Variants in TENM2 observed in about 807,000 individuals in gnomAD.
TENM2 encodes the protein teneurin-2.
Under a neutral mutation model 245.2 loss-of-function variants are expected in TENM2, and 52 were observed. That is an observed-to-expected ratio of 0.21 (90% CI 0.17 to 0.27). TENM2 has a LOEUF of 0.27. Ranked by LOEUF, TENM2 falls within the 10% of genes least tolerant of loss-of-function variation. The pLI is 1.00. For missense variants in TENM2, 3,046 were observed against 3,666.8 expected, an observed-to-expected ratio of 0.83 and a Z score of 4.37; for synonymous variants, 1,363 against 1,438.9, an observed-to-expected ratio of 0.95 and a Z score of 1.19.
At chr5:168,253,457 A>T (rs1184875652) in intron 27 of TENM2, among the ~76,000 whole-genome samples, 5 of 127,178 alleles carry the variant, frequency 3.9e-5, no homozygotes, top group Non-Finnish European at 6.7e-5. Flanking sequence ...ACAGAGTCTC[A>T]CTCTGTCGCC....
chr5:167,354,166 G>GA (rs1759160955), intron 1 of TENM2, among the ~76,000 whole-genome samples: 1 of 152,226 alleles, frequency 6.6e-6, no homozygotes, highest in African/African-American at 2.4e-5. Flanking sequence ...TGCCAAGGCA[G>GA]ATCTGGCGTG....
chr5:167,062,464 G>T, the TENM2 span, among the ~76,000 whole-genome samples: 4 of 148,344 alleles, frequency 2.7e-5, no homozygotes, highest in East Asian at 7.9e-4. Context: ...GATTTTAAAT[G>T]AAAAATTCAC....
intron 7 of TENM2, among the ~76,000 whole-genome samples, chr5:168,068,897 G>A (rs1392811257): frequency 1.3e-5 from 2 of 151,858 alleles, no homozygotes; most frequent in Non-Finnish European, 2.9e-5. Context: ...ACAATGTTGA[G>A]TCTATTTTCA....
chr5:167,169,322 A>T, the TENM2 span, among the ~76,000 whole-genome samples: 1 of 152,196 alleles, frequency 6.6e-6, no homozygotes, highest in African/African-American at 2.4e-5. Flanking sequence ...TTGTGGAAAG[A>T]AAAACATGCA....
intron 2 of TENM2, among the ~76,000 whole-genome samples, chr5:167,678,387 A>G (rs1240171344): frequency 6.6e-6 from 1 of 152,090 alleles, no homozygotes; most frequent in Non-Finnish European, 1.5e-5. Flanking sequence ...TACTCAATGC[A>G]GGGCGTTTTT....
chr5:167,498,563 A>T (rs755911923), intron 2 of TENM2, among the ~76,000 whole-genome samples: 8 of 152,104 alleles, frequency 5.3e-5, no homozygotes, highest in Non-Finnish European at 1.0e-4. Flanking sequence ...TGTTCTGCAC[A>T]GGTGTACATT....
the TENM2 span, chr5:167,168,095 A>T: frequency 6.6e-6 from 1 of 152,234 alleles, no homozygotes; most frequent in Non-Finnish European, 1.5e-5. Context: ...AAGCATAAAC[A>T]TGCTGACAGT....
intron 27 of TENM2, among the ~76,000 whole-genome samples, chr5:168,252,135 T>C (rs970215575): frequency 6.6e-6 from 1 of 152,136 alleles, no homozygotes; most frequent in Non-Finnish European, 1.5e-5. Flanking sequence ...ACCAGCACTT[T>C]GGGAGGCCAA....
chr5:167,997,912 A>G (rs972128272), intron 5 of TENM2, among the ~76,000 whole-genome samples: 2 of 152,190 alleles, frequency 1.3e-5, no homozygotes, highest in Non-Finnish European at 2.9e-5. Flanking sequence ...TAAGAGTCCA[A>G]CCATATGTCC....
At chr5:167,167,278 A>G in the TENM2 span, among the ~76,000 whole-genome samples, 1 of 152,210 alleles carries the variant, frequency 6.6e-6, no homozygotes, top group Non-Finnish European at 1.5e-5. Flanking sequence ...TTATCTTTGT[A>G]ATGATAACTC....
the TENM2 span, among the ~76,000 whole-genome samples, chr5:167,197,015 G>A: frequency 6.6e-6 from 1 of 151,878 alleles, no homozygotes; most frequent in Middle Eastern, 3.2e-3. Context: ...GAAGTCAATC[G>A]ATTCTGGGAT....
the TENM2 span, among the ~76,000 whole-genome samples, chr5:167,127,699 G>A: frequency 7.3e-5 from 11 of 149,854 alleles, no homozygotes; most frequent in Non-Finnish European, 1.5e-4. Flanking sequence ...TCTGGTCTCA[G>A]AGCTGCTTAC....
intron 12 of TENM2, among the ~76,000 whole-genome samples, chr5:168,133,195 G>A (rs567245844): frequency 6.6e-6 from 1 of 152,238 alleles, no homozygotes; most frequent in African/African-American, 2.4e-5. Flanking sequence ...TAGTCATGTA[G>A]GGCTTTTTAA....
chr5:168,180,716 T>G (rs1759793928), intron 13 of TENM2, among the ~76,000 whole-genome samples: 1 of 152,094 alleles, frequency 6.6e-6, no homozygotes, highest in African/African-American at 2.4e-5. Flanking sequence ...GCCAACATGG[T>G]GAAACCCTGT....
In TENM2 at chr5:167,625,854, G is replaced by A. The variant is rs1778465941; in HGVS notation, c.503-250132G>A. 3.3e-5 allele frequency among the ~76,000 whole-genome samples: 5 copies of A among 152,168 alleles called. No homozygotes were observed. The South Asian group carries it at 1.0e-3, about 32-fold the overall frequency. On this transcript the variant is annotated intron_variant, in intron 2 of 28. Coordinates refer to ENST00000518659, the Ensembl canonical transcript of TENM2. ...CTGGGTAGCTTAATTAAAATGACTG[G>A]CAAGTTGATGTTGGCTGTTGGCAGG...
rs146409859 is a variant in TENM2, at chr5:167,654,213, A to C, written c.503-221773A>C. Among the ~76,000 whole-genome samples the C allele has an allele frequency of 3.3e-5, 5 of 152,182 alleles. No homozygotes were observed. In the East Asian group the frequency reaches 9.7e-4, roughly 29 times the overall value. On this transcript the variant is annotated intron_variant, in intron 2 of 28. Coordinates refer to ENST00000518659, the Ensembl canonical transcript of TENM2. ...TCAGTTATGGCATGTATGCTGTTCA[A>C]CCTCATTTTAGAGTTATTGGTAAAC...
chr5:168,072,448 A>G (rs1044806090), intron 7 of TENM2, among the ~76,000 whole-genome samples: 8 of 152,136 alleles, frequency 5.3e-5, no homozygotes, highest in Admixed American at 1.3e-4. Context: ...TATAAAATCA[A>G]TCCATTCATG....
intron 2 of TENM2, among the ~76,000 whole-genome samples, chr5:167,731,635 T>G (rs2150558857): frequency 6.6e-6 from 1 of 152,028 alleles, no homozygotes; most frequent in African/African-American, 2.4e-5. Flanking sequence ...CTAGAGTGTG[T>G]TTGGTCTAAT....
At chr5:167,975,314 G>C (rs1204542191) in intron 4 of TENM2, among the ~76,000 whole-genome samples, 1 of 152,150 alleles carries the variant, frequency 6.6e-6, no homozygotes, top group Admixed American at 6.5e-5. Flanking sequence ...AAGCTTTCAA[G>C]GAAGCCCAGC....
Sources: allele counts gnomAD v4.1 joint callset (sites outside exome capture counted in the v4.1 genomes callset), GRCh38; gene constraint gnomAD v4.1.1; transcripts MANE v1.5; gene names NCBI Gene and HGNC (gene_info 2026-07-23, HGNC 2026-07-21).